Variants in LRRC8C observed in about 807,000 individuals in gnomAD.
LRRC8C encodes volume-regulated anion channel subunit LRRC8C.
Under a neutral mutation model 55.3 loss-of-function variants are expected in LRRC8C, and 20 were observed. That is an observed-to-expected ratio of 0.36 (90% CI 0.25 to 0.53). The LOEUF (loss-of-function observed/expected upper bound fraction) is 0.53. LRRC8C is among the 20% of genes least tolerant of loss of function. LRRC8C has a pLI of 0.92. For missense variants in LRRC8C, 659 were observed against 951.4 expected (o/e 0.69, Z 4.04); for synonymous variants, 376 against 360.7 (o/e 1.04, Z -0.48).
At chr1:89,635,326 T>G (rs2101170984) in intron 1 of LRRC8C, among the ~76,000 whole-genome samples, 1 of 152,256 alleles carries the variant, frequency 6.6e-6, no homozygotes, top group Non-Finnish European at 1.5e-5. Flanking sequence ...TGAAATGAGG[T>G]GGAAACTATA....
intron 1 of LRRC8C, among the ~76,000 whole-genome samples, chr1:89,679,716 G>C (rs1481251663): frequency 6.6e-6 from 1 of 152,142 alleles, no homozygotes; most frequent in Non-Finnish European, 1.5e-5. Context: ...CCATTCACTG[G>C]GTTACTGACA....
At chr1:89,692,427 C>T (rs1229667738) in intron 2 of LRRC8C, among the ~76,000 whole-genome samples, 2 of 152,078 alleles carry the variant, frequency 1.3e-5, no homozygotes, top group African/African-American at 2.4e-5. Context: ...TCTGTTTACT[C>T]CTAAAAGATT....
At chr1:89,693,685 T>C (rs1432488639) in intron 2 of LRRC8C, among the ~76,000 whole-genome samples, 5 of 124,346 alleles carry the variant, frequency 4.0e-5, no homozygotes, top group Non-Finnish European at 6.4e-5. Flanking sequence ...TGAGACAGAG[T>C]CTCACTCTGT....
At chr1:89,630,078 G>A (rs1359014226), upstream of LRRC8C, among the ~76,000 whole-genome samples, 1 of 152,220 alleles carries the variant, frequency 6.6e-6, no homozygotes, top group Non-Finnish European at 1.5e-5. Context: ...GATGAGGCAA[G>A]GAGAATTGCT....
Position 89,714,028 on chromosome 1 carries a change from C to G in LRRC8C, c.1458C>G (p.Leu486=). 1.2e-6 allele frequency: 2 copies of G among 1,613,686 alleles called. No homozygotes were observed. Among genetic ancestry groups the G allele is most frequent in the East Asian group, 2.2e-5 (1 of 44,892 alleles). Reference sequence around the variant, plus strand: ...CTGTCAAAATCCACAGTGCGGCGCTCTCTTTCCTGAAGGAAAACCTCAAGG... The same window carrying G: ...CTGTCAAAATCCACAGTGCGGCGCTGTCTTTCCTGAAGGAAAACCTCAAGG... ...QCSVKIHSAA[L]SFLKENLKVL... Residue 486 remains leucine, a synonymous_variant, in exon 3 of 3, where the codon CTC becomes CTG. Transcript: ENST00000370454. The surrounding 1 kb of genome is among the most constrained non-coding windows in gnomAD (Gnocchi z 4.6).
At chr1:89,687,985 C>A (rs940816248) in intron 2 of LRRC8C, among the ~76,000 whole-genome samples, 1 of 152,166 alleles carries the variant, frequency 6.6e-6, no homozygotes, top group African/African-American at 2.4e-5. Flanking sequence ...TGTATTTTAA[C>A]AAATGTCATC....
chr1:89,637,648 A>G (rs959814807), intron 1 of LRRC8C, among the ~76,000 whole-genome samples: 2 of 152,154 alleles, frequency 1.3e-5, no homozygotes, highest in Admixed American at 6.5e-5. Context: ...TTGGACATCT[A>G]GCACAGCAAT....
chr1:89,689,456 C>T (rs112432532), intron 2 of LRRC8C, among the ~76,000 whole-genome samples: 2,551 of 152,152 alleles, frequency 0.017, 72 homozygotes, highest in African/African-American at 0.058. Flanking sequence ...TTAACAAGAC[C>T]ACTACAGCTG....
At chr1:89,712,284 C>T (rs543788839) in intron 2 of LRRC8C, among the ~76,000 whole-genome samples, 13 of 152,248 alleles carry the variant, frequency 8.5e-5, no homozygotes, top group African/African-American at 2.9e-4. Context: ...AGCTAATTTT[C>T]GTATTTTTAG....
In LRRC8C at chr1:89,718,848, A is replaced by G. The variant is rs1658895431; in HGVS notation, c.*3866A>G. 6.6e-6 allele frequency: 1 copy of G among 152,202 alleles called. No homozygotes were observed. The highest frequency in any genetic ancestry group is 1.5e-5 in the Non-Finnish European group (1 of 68,020). The allele number at this position is 152,202 out of a possible 1,614,324, so 9.4% of individuals were successfully genotyped here. A position where few individuals can be genotyped will look rare whatever the true frequency, so the allele number is the denominator to read the frequency against. ...TACTAACCTCAAGTTAGCAAAACAAATTAGTTAAACAGCTTGGTTCTTAGC... is the reference window on the plus strand; with the variant it reads ...TACTAACCTCAAGTTAGCAAAACAAGTTAGTTAAACAGCTTGGTTCTTAGC... On this transcript the variant is annotated 3_prime_UTR_variant, in exon 3 of 3. Coordinates refer to ENST00000370454, the MANE Select transcript of LRRC8C (RefSeq NM_032270.5).
chr1:89,713,047 C>A lies in LRRC8C; in HGVS notation c.477C>A (p.Ile159=), dbSNP rs34247046. Residue 159 remains isoleucine, a synonymous_variant, in exon 3 of 3, where the codon ATC becomes ATA. Coordinates refer to ENST00000370454, the MANE Select transcript of LRRC8C (RefSeq NM_032270.5). The surrounding 1 kb of genome is among the most constrained non-coding windows in gnomAD (Gnocchi z 5.2). ...PGSSSKIEHF[I]SILGKCFDSP... ...CCAGCTCCAAAATAGAACATTTCAT[C>A]TCCATTCTGGGGAAGTGTTTTGACT... is the stretch of plus-strand genomic sequence containing the variant. 21 of 1,614,070 alleles carry A rather than the reference C, an allele frequency of 1.3e-5. No individual in the cohort carries two copies. The African/African-American group carries it at 2.5e-4, about 19-fold the overall frequency.
At chr1:89,698,872 G>A (rs1312392162) in intron 2 of LRRC8C, among the ~76,000 whole-genome samples, 2 of 152,006 alleles carry the variant, frequency 1.3e-5, no homozygotes, top group East Asian at 3.9e-4. Flanking sequence ...CTATATGGGT[G>A]TAAACTTCCT....
At chr1:89,675,192 C>T (rs185110538) in intron 1 of LRRC8C, among the ~76,000 whole-genome samples, 2 of 151,654 alleles carry the variant, frequency 1.3e-5, no homozygotes, top group African/African-American at 2.4e-5. Flanking sequence ...CTCAAAAAAA[C>T]AAAAAAACAA....
At chr1:89,641,744 T>G (rs116022578) in intron 1 of LRRC8C, among the ~76,000 whole-genome samples, 1,613 of 152,284 alleles carry the variant, frequency 0.011, 28 homozygotes, top group African/African-American at 0.037. Context: ...ATATAAACAC[T>G]GATAATACTT....
chr1:89,637,800 A>T (rs532212021), intron 1 of LRRC8C, among the ~76,000 whole-genome samples: 24 of 152,228 alleles, frequency 1.6e-4, no homozygotes, highest in Non-Finnish European at 3.2e-4. Flanking sequence ...CTTTTCCAAT[A>T]GCAGGCATAA....
the LRRC8C span, among the ~76,000 whole-genome samples, chr1:89,620,579 C>CAA: frequency 2.2e-5 from 3 of 137,028 alleles, no homozygotes; most frequent in Non-Finnish European, 4.8e-5. Flanking sequence ...GATGATTTTT[C>CAA]AAAAAAAAAA....
Position 89,713,238 on chromosome 1 carries a change from A to G in LRRC8C, c.668A>G (p.Asp223Gly). 6.2e-7 allele frequency: 1 copy of G among 1,614,216 alleles called. No individual in the cohort carries two copies. The highest frequency in any genetic ancestry group is 8.5e-7 in the Non-Finnish European group (1 of 1,180,044). ...TCCATTCCTGAGAAGTTTGTAGTTGATAAATCCACTGCAGGGGCTCTGGAT... is the reference window on the plus strand; with the variant it reads ...TCCATTCCTGAGAAGTTTGTAGTTGGTAAATCCACTGCAGGGGCTCTGGAT... ...LKSIPEKFVV[D>G]KSTAGALDKK... The change falls in exon 3 of 3, where the codon GAT becomes GGT. Residue 223 changes from aspartate (D) to glycine (G), a missense_variant. Physicochemically the swap from Asp to Gly is moderately conservative, Grantham distance 94. Transcript: ENST00000370454. The surrounding 1 kb of genome is among the most constrained non-coding windows in gnomAD (Gnocchi z 5.2).
chr1:89,718,589 T>TA lies in LRRC8C; in HGVS notation c.*3608dup, dbSNP rs1470892734. 6.6e-6 allele frequency: 1 copy of TA among 152,192 alleles called. No homozygotes were observed. Among genetic ancestry groups the TA allele is most frequent in the Non-Finnish European group, 1.5e-5 (1 of 68,008 alleles). The allele number at this position is 152,192 out of a possible 1,614,324, so 9.4% of individuals were successfully genotyped here. On this transcript the variant is annotated 3_prime_UTR_variant, in exon 3 of 3. Coordinates refer to ENST00000370454, the MANE Select transcript of LRRC8C (RefSeq NM_032270.5). ...ACCTCTAATCTAATTTCATACCAAA[T>TA]ACCTGATCAATAGAAATGATATATT...
the LRRC8C span, among the ~76,000 whole-genome samples, chr1:89,618,184 A>T: frequency 6.6e-6 from 1 of 152,190 alleles, no homozygotes; most frequent in Non-Finnish European, 1.5e-5. Context: ...CTTTCTGGTA[A>T]CCAGCCTCTG....
Sources: allele counts gnomAD v4.1 joint callset (sites outside exome capture counted in the v4.1 genomes callset), GRCh38; gene constraint gnomAD v4.1.1; non-coding constraint Gnocchi (gnomAD v3.1); transcripts MANE v1.5; gene names NCBI Gene and HGNC (gene_info 2026-07-23, HGNC 2026-07-21).